Variants in FOXN3 observed in about 807,000 individuals in gnomAD.
The protein encoded by FOXN3 is forkhead box protein N3.
FOXN3 carries 7 observed loss-of-function variants against 38.4 expected under a neutral mutation model. The ratio of observed to expected loss-of-function variants is 0.18; its 90% CI spans 0.10 to 0.34. The LOEUF (loss-of-function observed/expected upper bound fraction) is 0.34, where lower values mean the gene tolerates loss of function less well. Ranked by LOEUF, FOXN3 falls within the 10% of genes least tolerant of loss-of-function variation. The probability of loss-of-function intolerance (pLI) is 1.00; values close to 1 mark genes in which losing one functional copy is unlikely to be tolerated. For missense variants in FOXN3, 456 were observed against 613.4 expected, an observed-to-expected ratio of 0.74 and a Z score of 2.71; for synonymous variants, 230 against 242.2, an observed-to-expected ratio of 0.95 and a Z score of 0.47.
intron 1 of FOXN3, among the ~76,000 whole-genome samples, chr14:89,481,083 T>C (rs1227820021): frequency 3.7e-5 from 4 of 107,982 alleles, no homozygotes; most frequent in African/African-American, 1.4e-4. Context: ...TTGATTGTGG[T>C]TAAGCTTTTT....
chr14:89,483,472 G>A (rs956644494), intron 1 of FOXN3, among the ~76,000 whole-genome samples: 2 of 152,126 alleles, frequency 1.3e-5, no homozygotes, highest in Non-Finnish European at 2.9e-5. Context: ...GCAATAGCGC[G>A]ATCTCGGCTC....
At chr14:89,591,471 G>A (rs568722027) in intron 1 of FOXN3, among the ~76,000 whole-genome samples, 3 of 152,224 alleles carry the variant, frequency 2.0e-5, no homozygotes, top group South Asian at 4.2e-4. Context: ...TCAAACATCC[G>A]ACCACTCCAC....
At chr14:89,605,080 A>G (rs1359277169) in intron 1 of FOXN3, among the ~76,000 whole-genome samples, 2 of 152,172 alleles carry the variant, frequency 1.3e-5, no homozygotes, top group Non-Finnish European at 2.9e-5. Flanking sequence ...GGGGGAAGGA[A>G]TTATAAGCAA....
intron 1 of FOXN3, among the ~76,000 whole-genome samples, chr14:89,572,472 G>C (rs1279427863): frequency 6.6e-6 from 1 of 152,200 alleles, no homozygotes; most frequent in Non-Finnish European, 1.5e-5. Flanking sequence ...GGCAGCCCGA[G>C]AATCGCCCAG....
At chr14:89,195,291 GC>G (rs1888068340) in intron 4 of FOXN3, among the ~76,000 whole-genome samples, 1 of 151,786 alleles carries the variant, frequency 6.6e-6, no homozygotes, top group African/African-American at 2.4e-5. Context: ...TTCCTCCTGT[GC>G]CTCTCTCTGG....
At chr14:89,613,416 C>G (rs78294009) in intron 1 of FOXN3, among the ~76,000 whole-genome samples, 2 of 152,250 alleles carry the variant, frequency 1.3e-5, no homozygotes, top group South Asian at 4.1e-4. Flanking sequence ...CACCCTGGGA[C>G]GGTTCTGTTG....
chr14:89,217,015 A>G (rs1034922701), intron 4 of FOXN3, among the ~76,000 whole-genome samples: 1 of 152,208 alleles, frequency 6.6e-6, no homozygotes, highest in Admixed American at 6.5e-5. Context: ...TCTGTTGAAG[A>G]TAACTCTTTA....
intron 1 of FOXN3, among the ~76,000 whole-genome samples, chr14:89,445,148 A>T (rs1892467409): frequency 6.6e-6 from 1 of 151,918 alleles, no homozygotes; most frequent in Non-Finnish European, 1.5e-5. Context: ...AATAAAATAA[A>T]ATAAAAAAAA....
At chr14:89,444,421 T>TA (rs568830047) in intron 1 of FOXN3, among the ~76,000 whole-genome samples, 4,744 of 142,970 alleles carry the variant, frequency 0.033, 116 homozygotes, top group Non-Finnish European at 0.049. Context: ...ATATTTCACA[T>TA]AAAAAAAAAA....
intron 3 of FOXN3, among the ~76,000 whole-genome samples, chr14:89,299,278 G>A (rs1212597828): frequency 6.6e-6 from 1 of 152,222 alleles, no homozygotes; most frequent in African/African-American, 2.4e-5. Flanking sequence ...TAGTGAATAA[G>A]TCTCACAAAA....
At chr14:89,242,540 GAATAAT>G (rs528925917) in intron 4 of FOXN3, among the ~76,000 whole-genome samples, 2 of 151,848 alleles carry the variant, frequency 1.3e-5, no homozygotes, top group Admixed American at 6.6e-5. Flanking sequence ...AAAGAGCTAT[GAATAAT>G]AATAATAATA....
At chr14:89,582,843 A>G (rs1317570365) in intron 1 of FOXN3, among the ~76,000 whole-genome samples, 1 of 152,150 alleles carries the variant, frequency 6.6e-6, no homozygotes, top group African/African-American at 2.4e-5. Flanking sequence ...TGCATTTTCT[A>G]TAACTGTATA....
intron 2 of FOXN3, chr14:89,356,268 G>C (rs1028603932): frequency 6.6e-6 from 1 of 151,848 alleles, no homozygotes; most frequent in African/African-American, 2.4e-5. Flanking sequence ...ATGATGGAGG[G>C]TGCCTGTAAT....
chr14:89,522,066 T>C (rs990502722), intron 1 of FOXN3, among the ~76,000 whole-genome samples: 6 of 149,862 alleles, frequency 4.0e-5, no homozygotes, highest in African/African-American at 1.5e-4. Context: ...GCAAAGATAA[T>C]GGTAGATTTC....
intron 2 of FOXN3, among the ~76,000 whole-genome samples, chr14:89,363,967 T>TATATATATA (rs1555421727): frequency 3.0e-5 from 3 of 98,612 alleles, no homozygotes; most frequent in African/African-American, 1.6e-4. Flanking sequence ...TATATATATA[T>TATATATATA]ATATATATAT....
intron 4 of FOXN3, among the ~76,000 whole-genome samples, chr14:89,274,131 G>A (rs565226583): frequency 4.6e-5 from 7 of 152,132 alleles, no homozygotes; most frequent in South Asian, 2.1e-4. Flanking sequence ...ATGAGTGGGC[G>A]AGGGTCAGGG....
At chr14:89,510,426 G>C (rs1447117993) in intron 1 of FOXN3, among the ~76,000 whole-genome samples, 2 of 152,194 alleles carry the variant, frequency 1.3e-5, no homozygotes, top group African/African-American at 4.8e-5. Flanking sequence ...TATGCACTGA[G>C]GGCAGCCACA....
intron 4 of FOXN3, among the ~76,000 whole-genome samples, chr14:89,255,220 C>T (rs1243960737): frequency 6.6e-6 from 1 of 152,196 alleles, no homozygotes; most frequent in African/African-American, 2.4e-5. Context: ...CTTCTTTCAA[C>T]ACCAGCCATG....
intron 1 of FOXN3, among the ~76,000 whole-genome samples, chr14:89,582,071 C>T (rs886257384): frequency 6.6e-6 from 1 of 152,164 alleles, no homozygotes; most frequent in Non-Finnish European, 1.5e-5. Context: ...AGAATAAACA[C>T]ACTAATGTGT....
Sources: allele counts gnomAD v4.1 joint callset (sites outside exome capture counted in the v4.1 genomes callset), GRCh38; gene constraint gnomAD v4.1.1; transcripts MANE v1.5; gene names NCBI Gene and HGNC (gene_info 2026-07-23, HGNC 2026-07-21).